The following CDYL variants were observed in gnomAD, a reference collection of about 807,000 sequenced individuals.
CDYL encodes the protein chromodomain Y like, also known as chromodomain Y-like protein.
A neutral mutation model predicts 47.3 loss-of-function variants in CDYL; 8 were observed. That is an observed-to-expected ratio of 0.17 (90% CI 0.10 to 0.31). CDYL has a LOEUF of 0.31. CDYL is among the 10% of genes least tolerant of loss of function. The pLI, the probability that CDYL is intolerant of heterozygous loss-of-function variation, is 1.00. For missense variants in CDYL, 471 were observed against 701.4 expected (o/e 0.67, Z 3.71); for synonymous variants, 266 against 265.0 (o/e 1.00, Z -0.04).
chr6:4,891,677 A>G, intron 1 of CDYL, 36 bp from the exon 2 acceptor site: 1 of 1,530,826 alleles, frequency 6.5e-7, no homozygotes, highest in Non-Finnish European at 8.8e-7. Context: ...CCAAATTTTG[A>G]TTTTTTTAAA....
chr6:4,894,926 T>C (rs1348283040), intron 2 of CDYL, among the ~76,000 whole-genome samples: 1 of 27,382 alleles, frequency 3.7e-5, no homozygotes, highest in African/African-American at 5.8e-5. Flanking sequence ...TATACACATA[T>C]GTATGTGTGT....
chr6:4,850,179 A>G (rs1273472976), intron 1 of CDYL, among the ~76,000 whole-genome samples: 2 of 152,206 alleles, frequency 1.3e-5, no homozygotes, highest in Non-Finnish European at 2.9e-5. Flanking sequence ...GCTTCACGCT[A>G]ATTGCCAGTA....
rs1757572969 is a variant in CDYL, at chr6:4,916,913, G to C, written c.692-18602G>C. On this transcript the variant is annotated intron_variant, in intron 2 of 6. Coordinates refer to ENST00000397588, the MANE Select transcript of CDYL (RefSeq NM_004824.4). ...GCCACACCTCCACCTCTGACAGGTG[G>C]GCCCTGAGGCTGATGGGGAGTCCAG... Among the ~76,000 whole-genome samples, 4 of 152,178 alleles carry C rather than the reference G, an allele frequency of 2.6e-5. No homozygotes were observed. In the South Asian group the frequency reaches 8.3e-4, roughly 32 times the overall value.
In CDYL at chr6:4,954,008, G is replaced by T. The variant is rs776920501; in HGVS notation, c.1587G>T (p.Gly529=). The change falls in exon 7 of 7, where the codon GGG becomes GGT. Residue 529 remains glycine, a synonymous_variant. Coordinates refer to ENST00000397588, the MANE Select transcript of CDYL (RefSeq NM_004824.4). ...VLKKIWGSAQ[G]MDSMLKYLQR... is the part of the protein sequence containing the mutation. ...AGAAAATCTGGGGCTCGGCCCAGGG[G>T]ATGGACTCCATGTTAAAGTACTTGC... is the stretch of plus-strand genomic sequence containing the variant. 1.2e-6 allele frequency: 2 copies of T among 1,614,094 alleles called. No individual in the cohort carries two copies.
intron 1 of CDYL, among the ~76,000 whole-genome samples, chr6:4,787,279 C>T (rs976827302): frequency 6.6e-5 from 10 of 152,088 alleles, no homozygotes; most frequent in Admixed American, 3.9e-4. Context: ...TAGACTGATT[C>T]GTTGTGCCCT....
At chr6:4,787,550 C>T (rs1233577051) in intron 1 of CDYL, among the ~76,000 whole-genome samples, 1 of 152,082 alleles carries the variant, frequency 6.6e-6, no homozygotes, top group Non-Finnish European at 1.5e-5. Flanking sequence ...TGTGGAAGTG[C>T]GTGCTCATAC....
chr6:4,865,005 T>C (rs903033594), intron 1 of CDYL, among the ~76,000 whole-genome samples: 2 of 152,226 alleles, frequency 1.3e-5, no homozygotes. Flanking sequence ...TCAGCTCTCT[T>C]ATTCTTTGAT....
chr6:4,926,276 A>G (rs558000231), intron 2 of CDYL, among the ~76,000 whole-genome samples: 5 of 152,366 alleles, frequency 3.3e-5, no homozygotes, highest in African/African-American at 9.6e-5. Flanking sequence ...GAATAAAATT[A>G]TAAGGTTTTG....
intron 3 of CDYL, among the ~76,000 whole-genome samples, chr6:4,766,001 T>G (rs1347579578): frequency 6.6e-6 from 1 of 152,116 alleles, no homozygotes; most frequent in African/African-American, 2.4e-5. Flanking sequence ...TTCAGAAGAC[T>G]AATAAATTAA....
chr6:4,883,349 T>G (rs808622), intron 1 of CDYL, among the ~76,000 whole-genome samples: 1 of 151,916 alleles, frequency 6.6e-6, no homozygotes. Context: ...TGCAAGGGAC[T>G]GAAGTGAAGC....
chr6:4,843,037 C>T (rs9504267), intron 1 of CDYL, among the ~76,000 whole-genome samples: 4,653 of 152,232 alleles, frequency 0.031, 95 homozygotes, highest in East Asian at 0.085. Context: ...CTTAAAAAGA[C>T]GGTATCTTTT....
At chr6:4,952,482 T>A in intron 6 of CDYL, 73 bp downstream of exon 6, 1 of 1,513,642 alleles carries the variant, frequency 6.6e-7, no homozygotes, top group Non-Finnish European at 8.9e-7. Flanking sequence ...GCTCACAAAT[T>A]TGCAATTATT....
At chr6:4,935,364 T>G (rs1277340985) in intron 2 of CDYL, 151 bp from the exon 3 acceptor site, 1 of 691,742 alleles carries the variant, frequency 1.4e-6, no homozygotes, top group East Asian at 2.7e-5. Context: ...AAAAGTAGAC[T>G]TTGGCTTTCT....
chr6:4,900,593 C>T (rs1756998949), intron 2 of CDYL, among the ~76,000 whole-genome samples: 1 of 151,636 alleles, frequency 6.6e-6, no homozygotes. Flanking sequence ...CCAAATTGCT[C>T]TCTAAAAAAG....
At chr6:4,952,572 C>G (rs927897881) in intron 6 of CDYL, among the ~76,000 whole-genome samples, 163 bp downstream of exon 6, 1 of 152,208 alleles carries the variant, frequency 6.6e-6, no homozygotes, top group African/African-American at 2.4e-5. Flanking sequence ...ACTGCCCCCA[C>G]GCACGCCTTG....
chr6:4,867,887 T>A (rs1268345092), intron 1 of CDYL, among the ~76,000 whole-genome samples: 1 of 151,988 alleles, frequency 6.6e-6, no homozygotes. Context: ...TTGCTTAGTT[T>A]GTTGACATAG....
At chr6:4,902,513 A>G (rs962815084) in intron 2 of CDYL, among the ~76,000 whole-genome samples, 4 of 152,144 alleles carry the variant, frequency 2.6e-5, no homozygotes, top group Non-Finnish European at 4.4e-5. Flanking sequence ...GTACACAGTC[A>G]TCCTCCCAAT....
chr6:4,708,302 T>C (rs1307594992), intron 1 of CDYL, among the ~76,000 whole-genome samples: 2 of 152,110 alleles, frequency 1.3e-5, no homozygotes, highest in Non-Finnish European at 2.9e-5. Flanking sequence ...TACCTGGGAC[T>C]ACAGGTCCGT....
At chr6:4,735,278 G>A (rs556017001) in intron 3 of CDYL, among the ~76,000 whole-genome samples, 38 of 148,892 alleles carry the variant, frequency 2.6e-4, no homozygotes, top group African/African-American at 8.2e-4. Flanking sequence ...TAACAACAGC[G>A]AAACTCTGTC....
Sources: gnomAD v4.1 joint callset for allele counts (sites outside exome capture counted in the v4.1 genomes callset) on GRCh38, gnomAD v4.1.1 for gene constraint, MANE v1.5 for transcripts, NCBI Gene and HGNC (gene_info 2026-07-23, HGNC 2026-07-21) for gene names.